SAMHD1: variants seen among roughly 807,000 people sequenced by gnomAD.
SAMHD1 encodes SAM and HD domain containing deoxynucleoside triphosphate triphosphohydrolase 1.
In SAMHD1, 54 loss-of-function variants were observed where a neutral mutation model predicts 79.6. The ratio of observed to expected loss-of-function variants is 0.68; its 90% confidence interval spans 0.55 to 0.85. The LOEUF (loss-of-function observed/expected upper bound fraction) is 0.85. Ranked by LOEUF, SAMHD1 falls within the 40% of genes least tolerant of loss-of-function variation. The probability of loss-of-function intolerance (pLI) is 0.00; values close to 1 mark genes in which losing one functional copy is unlikely to be tolerated. For synonymous variants in SAMHD1, 260 were observed against 264.1 expected (o/e 0.98, Z 0.15); for missense variants, 663 against 782.7 (o/e 0.85, Z 1.82).
At chr20:36,920,140 G>T (rs1038670591) in intron 6 of SAMHD1, among the ~76,000 whole-genome samples, 1 of 152,040 alleles carries the variant, frequency 6.6e-6, no homozygotes, top group Non-Finnish European at 1.5e-5. Context: ...AAGAGACAGG[G>T]AATTGCTCTG....
chr20:36,930,994 C>A, intron 4 of SAMHD1, 119 bp from the exon 5 acceptor site: 1 of 728,466 alleles, frequency 1.4e-6, no homozygotes, highest in South Asian at 1.4e-5. Flanking sequence ...GGCAACTTTA[C>A]TGAACAGTAT....
intron 3 of SAMHD1, chr20:36,940,669 AGCC>A: frequency 9.7e-6 from 3 of 308,474 alleles, no homozygotes; most frequent in South Asian, 2.9e-5. Flanking sequence ...ACTGTACTCC[AGCC>A]TAGATGACAG....
chr20:36,916,500 C>T lies in SAMHD1; in HGVS notation c.1062+222G>A, dbSNP rs555302365. 1.1e-5 allele frequency: 5 copies of T among 461,462 alleles called. No individual in the cohort carries two copies. The Admixed American group carries it at 1.1e-4, about 10-fold the overall frequency. 28.6% of individuals were successfully genotyped at this position (461,462 alleles called of 1,614,324 possible). ...AAATGCAACCAACCAAACAAAAAAA[C>T]CCCAAAACCAGTGTCTAACTCAAAA... On this transcript the variant is annotated intron_variant, in intron 9 of 15. Coordinates refer to ENST00000646673, the MANE Select transcript of SAMHD1 (RefSeq NM_015474.4).
chr20:36,919,358 A>G lies in SAMHD1; in HGVS notation c.852+6T>C, dbSNP rs1360565476. ...TCAGTTAAAATTAAGCTGTACATAA[A>G]CTTACCAATGAATCTTCGACAGGTG... is the stretch of plus-strand genomic sequence containing the variant. On this transcript the variant is annotated splice_donor_region_variant and intron_variant, in intron 7 of 15. Coordinates refer to ENST00000646673, the MANE Select transcript of SAMHD1 (RefSeq NM_015474.4). 10 of 1,613,054 alleles carry G rather than the reference A, an allele frequency of 6.2e-6. No homozygotes were observed. Among genetic ancestry groups the G allele is most frequent in the African/African-American group, 1.3e-5 (1 of 74,902 alleles).
rs1700306908 is a variant in SAMHD1 at position 36,897,961 on chromosome 20, T to C, written c.1609-2A>G. The C allele has an allele frequency of 6.8e-6, 11 of 1,614,030 alleles. No homozygotes were observed. The highest frequency in any genetic ancestry group is 9.3e-6 in the Non-Finnish European group (11 of 1,179,962). On this transcript the variant is annotated splice_acceptor_variant, in intron 14 of 15. Transcript: ENST00000646673. LOFTEE classifies it high-confidence loss of function. ...TTTCTCTGGCAGAAGTTGTGAAACCTTTTTAAAATGAAGAGATTTCACTAT... is the reference window on the plus strand; with the variant it reads ...TTTCTCTGGCAGAAGTTGTGAAACCCTTTTAAAATGAAGAGATTTCACTAT...
chr20:36,932,974 A>ATG (rs747052035), intron 4 of SAMHD1, among the ~76,000 whole-genome samples: 2 of 152,070 alleles, frequency 1.3e-5, no homozygotes, highest in Non-Finnish European at 2.9e-5. Flanking sequence ...ATAATTGGAG[A>ATG]TGAAGTACTT....
At chr20:36,940,722 A>T (rs1171571036) in intron 3 of SAMHD1, 1 of 390,304 alleles carries the variant, frequency 2.6e-6, no homozygotes, top group East Asian at 5.8e-5. Context: ...GAATGTACAA[A>T]GGAGGTCTTC....
intron 15 of SAMHD1, among the ~76,000 whole-genome samples, chr20:36,897,203 T>C (rs1290876969): frequency 6.6e-6 from 1 of 152,150 alleles, no homozygotes; most frequent in Non-Finnish European, 1.5e-5. Context: ...TGAGGGAGAG[T>C]TCTAGACTAG....
At chr20:36,898,392 G>C in intron 14 of SAMHD1, 48 bp downstream of exon 14, 1 of 1,378,576 alleles carries the variant, frequency 7.3e-7, no homozygotes, top group Non-Finnish European at 1.0e-6. Context: ...TTACTATAAA[G>C]ATTTGCTACA....
intron 15 of SAMHD1, among the ~76,000 whole-genome samples, chr20:36,897,306 T>C (rs991517688): frequency 6.6e-6 from 1 of 152,242 alleles, no homozygotes; most frequent in South Asian, 2.1e-4. Context: ...TGCAGACACC[T>C]ACCATGTGTA....
intron 9 of SAMHD1, among the ~76,000 whole-genome samples, chr20:36,916,109 C>T (rs532107360): frequency 2.0e-3 from 305 of 150,612 alleles, no homozygotes; most frequent in African/African-American, 7.0e-3. Flanking sequence ...TGCAGTGAGC[C>T]GAGATCGTGC....
intron 3 of SAMHD1, among the ~76,000 whole-genome samples, chr20:36,936,204 C>A (rs1053426712): frequency 1.1e-4 from 16 of 152,146 alleles, no homozygotes; most frequent in Middle Eastern, 3.4e-3. Flanking sequence ...TGTGCCACAA[C>A]ACTTCAGCCT....
intron 11 of SAMHD1, among the ~76,000 whole-genome samples, chr20:36,906,625 G>C (rs904005479): frequency 1.3e-5 from 2 of 151,986 alleles, no homozygotes; most frequent in Admixed American, 6.6e-5. Context: ...ATAAAACAAT[G>C]ATTTTTTAAT....
At chr20:36,948,544 T>A (rs936233576) in intron 1 of SAMHD1, among the ~76,000 whole-genome samples, 1 of 149,000 alleles carries the variant, frequency 6.7e-6, no homozygotes, top group African/African-American at 2.5e-5. Context: ...TGAGCCACCG[T>A]GCCCGGCCAA....
chr20:36,914,843 C>CAA (rs61255506), intron 9 of SAMHD1, among the ~76,000 whole-genome samples: 1 of 133,038 alleles, frequency 7.5e-6, no homozygotes. Flanking sequence ...CCTGTCTCTA[C>CAA]AAAAAAAAAA....
At chr20:36,904,576 G>C in intron 12 of SAMHD1, 1 of 336,928 alleles carries the variant, frequency 3.0e-6, no homozygotes, top group Non-Finnish European at 5.8e-6. Context: ...AATTAGCTGG[G>C]CGTGGTGGCG....
At chr20:36,906,796 AT>A (rs376198153) in intron 11 of SAMHD1, among the ~76,000 whole-genome samples, 53 of 145,220 alleles carry the variant, frequency 3.6e-4, no homozygotes, top group Admixed American at 4.8e-4. Flanking sequence ...TATCTGTGCA[AT>A]TTTTTTTTTT....
At chr20:36,900,655 C>T (rs926219124) in intron 13 of SAMHD1, among the ~76,000 whole-genome samples, 2 of 151,938 alleles carry the variant, frequency 1.3e-5, no homozygotes, top group African/African-American at 2.4e-5. Context: ...CAACCTCTGC[C>T]TCCTGGGTTC....
chr20:36,951,679 C>T lies in SAMHD1; in HGVS notation c.-36G>A, dbSNP rs186869242. ...GGCGTCCGGCACAGCAGTCAAGAAC[C>T]TCGGCGCCGGACCCGCGCGCAGGCG... is the stretch of plus-strand genomic sequence containing the variant. On this transcript the variant is annotated 5_prime_UTR_variant, in exon 1 of 16. Transcript: ENST00000646673. 363 of 1,610,766 alleles carry T rather than the reference C, an allele frequency of 2.3e-4. 1 individual carries two copies. Among genetic ancestry groups the T allele is most frequent in the Non-Finnish European group, 7.3e-5 (86 of 1,179,852 alleles).
Sources: allele counts gnomAD v4.1 joint callset (sites outside exome capture counted in the v4.1 genomes callset), GRCh38; gene constraint gnomAD v4.1.1; transcripts MANE v1.5; gene names NCBI Gene and HGNC (gene_info 2026-07-23, HGNC 2026-07-21).